MAP4: variants seen among roughly 807,000 people sequenced by gnomAD.
MAP4 encodes the protein microtubule-associated protein 4.
In MAP4, 76 loss-of-function variants were observed where a neutral mutation model predicts 170.2. That is an observed-to-expected ratio of 0.45 (90% confidence interval 0.37 to 0.54). The LOEUF (loss-of-function observed/expected upper bound fraction) is 0.54. Ranked by LOEUF, MAP4 falls within the 20% of genes least tolerant of loss-of-function variation. The pLI is 0.00. For synonymous variants in MAP4, 909 were observed against 994.5 expected (o/e 0.91, Z 1.62); for missense variants, 2,506 against 2,748.0 (o/e 0.91, Z 1.97).
chr3:47,945,789 G>C (rs1378427318), intron 3 of MAP4, among the ~76,000 whole-genome samples: 1 of 151,732 alleles, frequency 6.6e-6, no homozygotes, highest in Non-Finnish European at 1.5e-5. Flanking sequence ...GAGCGATCTT[G>C]GCTCACTGCA....
chr3:47,992,573 G>A (rs1178403377), intron 2 of MAP4, among the ~76,000 whole-genome samples: 1 of 151,894 alleles, frequency 6.6e-6, no homozygotes, highest in Non-Finnish European at 1.5e-5. Flanking sequence ...GACTACAGGC[G>A]CACACTACCA....
At chr3:47,919,368 C>T (rs949188120) in intron 5 of MAP4, among the ~76,000 whole-genome samples, 1 of 152,040 alleles carries the variant, frequency 6.6e-6, no homozygotes, top group African/African-American at 2.4e-5. Context: ...AGTGCAATGG[C>T]ACGATCTCGG....
chr3:48,023,394 T>C (rs902744575), intron 1 of MAP4, among the ~76,000 whole-genome samples: 2 of 152,140 alleles, frequency 1.3e-5, no homozygotes, highest in African/African-American at 2.4e-5. Flanking sequence ...TACAATATAA[T>C]GTATCAAGAA....
chr3:47,920,555 T>G (rs934634908), intron 5 of MAP4, among the ~76,000 whole-genome samples: 1 of 150,816 alleles, frequency 6.6e-6, no homozygotes, highest in Admixed American at 6.6e-5. Context: ...TTTTTTTTTT[T>G]TTTTTTTTTT....
At chr3:48,022,089 T>G (rs1293195415) in intron 1 of MAP4, among the ~76,000 whole-genome samples, 1 of 152,052 alleles carries the variant, frequency 6.6e-6, no homozygotes, top group East Asian at 1.9e-4. Flanking sequence ...CACTGCAAAA[T>G]AGTGGGGGAA....
In MAP4 at chr3:47,910,952, ATGCCTGCATGG is replaced by A; in HGVS notation, c.3458_3468del (p.Thr1153IlefsTer17). 1.3e-6 allele frequency: 2 copies of A among 1,536,128 alleles called. No homozygotes were observed. The highest frequency in any genetic ancestry group is 1.7e-6 in the Non-Finnish European group (2 of 1,146,888). ...CCTGATCCACTTTCCAAAGGAATCAATGCCTGCATGGTGCCTGCCACCTTAGGCTGAGTCAT... is the reference window on the plus strand; with the variant it reads ...CCTGATCCACTTTCCAAAGGAATCAATGCCTGCCACCTTAGGCTGAGTCAT... On this transcript the variant is annotated frameshift_variant, in exon 9 of 21. Transcript: ENST00000683076. LOFTEE classifies it high-confidence loss of function.
At chr3:47,930,318 G>A (rs1243139892) in intron 3 of MAP4, among the ~76,000 whole-genome samples, 6 of 151,234 alleles carry the variant, frequency 4.0e-5, no homozygotes, top group East Asian at 3.9e-4. Flanking sequence ...GGTGGCGGGC[G>A]CCTGTAGTCC....
intron 1 of MAP4, among the ~76,000 whole-genome samples, chr3:48,075,163 A>G (rs971116145): frequency 2.4e-4 from 36 of 152,344 alleles, no homozygotes; most frequent in Admixed American, 1.0e-3. Context: ...AGATAGTAGT[A>G]CCACAGGGTG....
intron 2 of MAP4, among the ~76,000 whole-genome samples, chr3:47,989,597 G>A (rs910711631): frequency 6.6e-6 from 1 of 152,154 alleles, no homozygotes; most frequent in Non-Finnish European, 1.5e-5. Flanking sequence ...GGTTAGAAAG[G>A]AAGAAGAGAA....
intron 1 of MAP4, among the ~76,000 whole-genome samples, chr3:48,064,700 G>C (rs1029832352): frequency 1.3e-5 from 2 of 152,074 alleles, no homozygotes; most frequent in African/African-American, 4.8e-5. Context: ...CTTCATCATT[G>C]TGCAACTGTC....
chr3:48,072,751 T>C (rs1013625022), intron 1 of MAP4, among the ~76,000 whole-genome samples: 1 of 152,156 alleles, frequency 6.6e-6, no homozygotes, highest in Admixed American at 6.6e-5. Context: ...AAAATAGTTT[T>C]ACAATATCCC....
chr3:48,033,171 G>C (rs1473044859), intron 1 of MAP4, among the ~76,000 whole-genome samples: 2 of 152,172 alleles, frequency 1.3e-5, no homozygotes, highest in Non-Finnish European at 2.9e-5. Flanking sequence ...CCCAAATCAG[G>C]AAGCAAGGGG....
upstream of MAP4, among the ~76,000 whole-genome samples, chr3:48,017,613 T>C (rs942861113): frequency 1.3e-5 from 2 of 151,950 alleles, no homozygotes; most frequent in South Asian, 4.2e-4. Flanking sequence ...TTTAGTCACA[T>C]GGGACCATCT....
intron 1 of MAP4, among the ~76,000 whole-genome samples, chr3:48,029,423 G>A (rs972462407): frequency 1.3e-5 from 2 of 152,068 alleles, no homozygotes; most frequent in Non-Finnish European, 2.9e-5. Flanking sequence ...GTGACAGAGC[G>A]AGACTCTGTC....
At chr3:47,953,311 C>T (rs1412565260) in intron 3 of MAP4, among the ~76,000 whole-genome samples, 1 of 151,850 alleles carries the variant, frequency 6.6e-6, no homozygotes, top group African/African-American at 2.4e-5. Flanking sequence ...AGGCTTGAGC[C>T]CAGGAGTTCA....
chr3:48,028,708 G>A (rs1451913329), intron 1 of MAP4, among the ~76,000 whole-genome samples: 9 of 151,958 alleles, frequency 5.9e-5, no homozygotes, highest in Admixed American at 5.9e-4. Flanking sequence ...GGAGGCGGAG[G>A]TGGCAGTGAG....
intron 3 of MAP4, among the ~76,000 whole-genome samples, chr3:47,949,111 T>A (rs948545721): frequency 6.6e-6 from 1 of 152,124 alleles, no homozygotes. Context: ...CATTCAACTA[T>A]CCCTTAAGTA....
intron 10 of MAP4, among the ~76,000 whole-genome samples, chr3:47,880,364 T>C (rs2096493800): frequency 1.4e-5 from 2 of 145,622 alleles, no homozygotes; most frequent in Non-Finnish European, 3.0e-5. Context: ...TGCCTCGGCC[T>C]CCCAAAATGT....
At chr3:48,072,531 CTATT>C (rs1262372714) in intron 1 of MAP4, among the ~76,000 whole-genome samples, 8 of 151,992 alleles carry the variant, frequency 5.3e-5, no homozygotes, top group African/African-American at 1.7e-4. Context: ...CATGAAAAAA[CTATT>C]TTTTTAATGA....
Sources: allele counts gnomAD v4.1 joint callset (sites outside exome capture counted in the v4.1 genomes callset), GRCh38; gene constraint gnomAD v4.1.1; transcripts MANE v1.5; gene names NCBI Gene and HGNC (gene_info 2026-07-23, HGNC 2026-07-21).